Variants in SDK1 observed in about 807,000 individuals in gnomAD.
SDK1 encodes protein sidekick-1.
A neutral mutation model predicts 245.5 loss-of-function variants in SDK1; 157 were observed. That is an observed-to-expected ratio of 0.64 (90% CI 0.56 to 0.73). The LOEUF (loss-of-function observed/expected upper bound fraction) is 0.73, where lower values mean the gene tolerates loss of function less well. Ranked by LOEUF, SDK1 falls within the 30% of genes least tolerant of loss-of-function variation. The pLI, the probability that SDK1 is intolerant of heterozygous loss-of-function variation, is 0.00. For synonymous variants in SDK1, 1,647 were observed against 1,278.5 expected, an observed-to-expected ratio of 1.29 and a Z score of -6.15; for missense variants, 3,583 against 3,002.3, an observed-to-expected ratio of 1.19 and a Z score of -4.52.
intron 1 of SDK1, among the ~76,000 whole-genome samples, chr7:3,516,855 C>T (rs1413860515): frequency 1.3e-5 from 2 of 152,140 alleles, no homozygotes; most frequent in Admixed American, 1.3e-4. Context: ...CTGTAATAGA[C>T]TTTATCACCC....
chr7:3,812,682 CCT>C (rs1447218348), intron 4 of SDK1, among the ~76,000 whole-genome samples: 10 of 152,112 alleles, frequency 6.6e-5, no homozygotes, highest in African/African-American at 2.2e-4. Context: ...TAGTTTCTTC[CCT>C]CTCTGGTCAT....
chr7:3,779,025 C>T (rs1186246483), intron 4 of SDK1, among the ~76,000 whole-genome samples: 3 of 152,104 alleles, frequency 2.0e-5, no homozygotes, highest in Non-Finnish European at 4.4e-5. Context: ...TAATTGAATG[C>T]CTTAGAGTAA....
chr7:4,171,620 G>A (rs1584359528), intron 32 of SDK1, among the ~76,000 whole-genome samples: 1 of 152,374 alleles, frequency 6.6e-6, no homozygotes, highest in East Asian at 1.9e-4. Flanking sequence ...AGAGGCTGGA[G>A]CAGAGCCGGC....
At position 4,268,109 on chromosome 7, in the gene SDK1, T is replaced by C; in HGVS notation, c.*2725T>C. ...CAGGCTAGATGGAATGTGCTCCCGC[T>C]CTCTCCTGCCGTGCTGAAAGTCATG... On this transcript the variant is annotated 3_prime_UTR_variant, in exon 45 of 45. Coordinates refer to ENST00000404826, the MANE Select transcript of SDK1 (RefSeq NM_152744.4). 2.0e-6 allele frequency: 2 copies of C among 985,600 alleles called. No individual in the cohort carries two copies. The highest frequency in any genetic ancestry group is 2.4e-6 in the Non-Finnish European group (2 of 830,058). 61.1% of individuals were successfully genotyped at this position (985,600 alleles called of 1,614,324 possible). A position where few individuals can be genotyped will look rare whatever the true frequency, so the allele number is the denominator to read the frequency against.
rs191572220 is a variant in SDK1, at chr7:3,770,629, C to T, written c.714-50821C>T. On this transcript the variant is annotated intron_variant, in intron 4 of 44. Coordinates refer to ENST00000404826, the MANE Select transcript of SDK1 (RefSeq NM_152744.4). The stretch of plus-strand genomic sequence containing the variant: ...GGCACTTGTTGTGGAGAGATTCCCC[C>T]TTGCTGTGGCTGCCCAGCTGCCTTG... 2.0e-3 allele frequency among the ~76,000 whole-genome samples: 305 copies of T among 152,284 alleles called. 1 individual carries two copies. Among genetic ancestry groups the T allele is most frequent in the African/African-American group, 7.1e-3 (297 of 41,550 alleles).
In SDK1 at chr7:3,636,031, A is replaced by G. The variant is rs188687353; in HGVS notation, c.459-2973A>G. Among the ~76,000 whole-genome samples, 14 of 152,294 alleles carry G rather than the reference A, an allele frequency of 9.2e-5. No individual in the cohort carries two copies. In the East Asian group the frequency reaches 1.7e-3, roughly 19 times the overall value. ...ATATGATGTACCTTATTCAACTGCA[A>G]TGTGCATATATTCATTTTTATTTTT... is the stretch of plus-strand genomic sequence containing the variant. On this transcript the variant is annotated intron_variant, in intron 2 of 44. Transcript: ENST00000404826.
intron 1 of SDK1, among the ~76,000 whole-genome samples, chr7:3,382,516 A>T (rs1312165718): frequency 1.3e-5 from 2 of 152,240 alleles, no homozygotes; most frequent in Admixed American, 1.3e-4. Context: ...TGCCAAGGTC[A>T]GTGGACTGCT....
chr7:4,256,642 T>C (rs1409998179), intron 44 of SDK1, among the ~76,000 whole-genome samples: 2 of 152,198 alleles, frequency 1.3e-5, no homozygotes, highest in Non-Finnish European at 2.9e-5. Flanking sequence ...AACCGAAATG[T>C]TGGGAATAAA....
intron 4 of SDK1, among the ~76,000 whole-genome samples, chr7:3,807,906 C>T (rs1035956992): frequency 6.6e-6 from 1 of 152,108 alleles, no homozygotes; most frequent in African/African-American, 2.4e-5. Flanking sequence ...ACTGTATGTA[C>T]CAATCACCTT....
At chr7:3,589,942 G>T (rs1453929986) in intron 1 of SDK1, among the ~76,000 whole-genome samples, 1 of 152,200 alleles carries the variant, frequency 6.6e-6, no homozygotes, top group Non-Finnish European at 1.5e-5. Flanking sequence ...CAGAGTCTGT[G>T]CTGTGCATGT....
chr7:3,621,701 C>T (rs1049343674), intron 2 of SDK1, among the ~76,000 whole-genome samples: 5 of 152,178 alleles, frequency 3.3e-5, no homozygotes, highest in African/African-American at 1.2e-4. Context: ...CAGGAGAAAG[C>T]GCACCTGTAC....
chr7:3,970,316 C>A (rs1782387756), intron 11 of SDK1, among the ~76,000 whole-genome samples: 1 of 152,178 alleles, frequency 6.6e-6, no homozygotes, highest in African/African-American at 2.4e-5. Flanking sequence ...TGGTTGGTGT[C>A]CACTTTGATA....
intron 5 of SDK1, among the ~76,000 whole-genome samples, chr7:3,938,645 C>CAAAAAAAAAAAAAAAAAAAAAA (rs559065786): frequency 2.8e-4 from 25 of 90,568 alleles, no homozygotes; most frequent in African/African-American, 1.1e-3. Flanking sequence ...GACTCCGTCT[C>CAAAAAAAAAAAAAAAAAAAAAA]AAAAAAAAAA....
chr7:4,051,773 A>G lies in SDK1; in HGVS notation c.2854A>G (p.Thr952Ala). The G allele has an allele frequency of 1.2e-6, 2 of 1,613,820 alleles. No individual in the cohort carries two copies. The highest frequency in any genetic ancestry group is 1.7e-6 in the Non-Finnish European group (2 of 1,179,908). The change falls in exon 19 of 45, where the codon ACC (threonine) becomes GCC (alanine). Residue 952 changes from threonine to alanine, a missense_variant. Physicochemically the swap from Thr to Ala is moderately conservative, Grantham distance 58 (BLOSUM62 0). Coordinates refer to ENST00000404826, the MANE Select transcript of SDK1 (RefSeq NM_152744.4). Reference sequence around the variant, plus strand: ...CTACTTCACTTCCGTTCTGTGCTTCACCACCCCTGGGGACGGGCCTCCCAG... The same window carrying G: ...CTACTTCACTTCCGTTCTGTGCTTCGCCACCCCTGGGGACGGGCCTCCCAG... ...TAYFTSVLCFTTPGDGPPSTP... is the reference protein window; with the variant it reads ...TAYFTSVLCFATPGDGPPSTP...
At chr7:4,237,402 C>A (rs1375369366) in intron 41 of SDK1, among the ~76,000 whole-genome samples, 1 of 151,996 alleles carries the variant, frequency 6.6e-6, no homozygotes, top group Admixed American at 6.6e-5. Flanking sequence ...GAGCCCTGAG[C>A]CTGATCCCAC....
chr7:4,136,366 C>T (rs1288473926), intron 28 of SDK1, among the ~76,000 whole-genome samples: 1 of 152,234 alleles, frequency 6.6e-6, no homozygotes, highest in African/African-American at 2.4e-5. Flanking sequence ...TTTCGTCTGA[C>T]TCACTTTACA....
intron 40 of SDK1, among the ~76,000 whole-genome samples, chr7:4,226,120 A>G (rs1419344524): frequency 6.6e-6 from 1 of 152,194 alleles, no homozygotes; most frequent in Non-Finnish European, 1.5e-5. Flanking sequence ...TACACAAAAC[A>G]TTAAATGCTG....
rs775200948 is a variant in SDK1, at chr7:3,384,609, C to T, written c.298+82725C>T. Among the ~76,000 whole-genome samples the T allele has an allele frequency of 2.6e-5, 4 of 152,158 alleles. No homozygotes were observed. In the East Asian group the frequency reaches 7.7e-4, roughly 29 times the overall value. On this transcript the variant is annotated intron_variant, in intron 1 of 44. Coordinates refer to ENST00000404826, the MANE Select transcript of SDK1 (RefSeq NM_152744.4). ...CATACCCTCGAACATCGAAGGACTT[C>T]GCTGATTTGTGTTCTACACAACCGT...
intron 4 of SDK1, among the ~76,000 whole-genome samples, chr7:3,695,388 C>T (rs1784542373): frequency 6.6e-6 from 1 of 152,180 alleles, no homozygotes; most frequent in Non-Finnish European, 1.5e-5. Context: ...ATTAAAATCA[C>T]TCATAATCCT....
Sources: gnomAD v4.1 joint callset for allele counts (sites outside exome capture counted in the v4.1 genomes callset) on GRCh38, gnomAD v4.1.1 for gene constraint, MANE v1.5 for transcripts, NCBI Gene and HGNC (gene_info 2026-07-23, HGNC 2026-07-21) for gene names.